Variants in IMMP2L observed in about 807,000 individuals in gnomAD.
IMMP2L encodes mitochondrial inner membrane protease subunit 2.
A neutral mutation model predicts 19.3 loss-of-function variants in IMMP2L; 18 were observed. The ratio of observed to expected loss-of-function variants is 0.93; its 90% CI spans 0.64 to 1.38. IMMP2L has a LOEUF of 1.38. Ranked by LOEUF, IMMP2L falls within the 40% of genes most tolerant of loss-of-function variation. The pLI, the probability that IMMP2L is intolerant of heterozygous loss-of-function variation, is 0.00. For missense variants in IMMP2L, 233 were observed against 218.2 expected, an observed-to-expected ratio of 1.07 and a Z score of -0.43; for synonymous variants, 76 against 73.0, an observed-to-expected ratio of 1.04 and a Z score of -0.21.
intron 5 of IMMP2L, among the ~76,000 whole-genome samples, chr7:110,694,055 T>C (rs565671059): frequency 1.5e-4 from 23 of 152,264 alleles, no homozygotes; most frequent in Non-Finnish European, 3.4e-4. Context: ...GATACTACCA[T>C]TTCTGATGAC....
intron 4 of IMMP2L, among the ~76,000 whole-genome samples, chr7:110,893,375 G>T (rs889966399): frequency 6.6e-6 from 1 of 151,952 alleles, no homozygotes; most frequent in Non-Finnish European, 1.5e-5. Flanking sequence ...ACTGTAAATG[G>T]GAACACACAA....
intron 3 of IMMP2L, among the ~76,000 whole-genome samples, chr7:111,079,141 G>A (rs1223206316): frequency 6.1e-5 from 9 of 147,500 alleles, no homozygotes; most frequent in South Asian, 2.1e-4. Context: ...TTTTTGAGAC[G>A]GAGTCTCGCT....
At chr7:111,197,156 T>C (rs1809591097) in intron 3 of IMMP2L, among the ~76,000 whole-genome samples, 2 of 152,018 alleles carry the variant, frequency 1.3e-5, no homozygotes, top group Non-Finnish European at 2.9e-5. Context: ...AGCCAACAAA[T>C]TCCTTTAAAA....
At chr7:111,094,769 T>C (rs1478028227) in intron 3 of IMMP2L, among the ~76,000 whole-genome samples, 3 of 152,114 alleles carry the variant, frequency 2.0e-5, no homozygotes, top group Non-Finnish European at 4.4e-5. Flanking sequence ...ATGATAACAA[T>C]TATTTCTTTA....
At chr7:110,784,819 G>C (rs538662107) in intron 5 of IMMP2L, among the ~76,000 whole-genome samples, 1 of 151,820 alleles carries the variant, frequency 6.6e-6, no homozygotes, top group Admixed American at 6.6e-5. Context: ...TCTACTTAGA[G>C]CTCCCCTGTG....
At chr7:110,880,952 C>T (rs1360025469) in intron 5 of IMMP2L, among the ~76,000 whole-genome samples, 2 of 152,028 alleles carry the variant, frequency 1.3e-5, no homozygotes, top group Admixed American at 1.3e-4. Flanking sequence ...AGACATAAGA[C>T]AAAATTTGAT....
intron 3 of IMMP2L, among the ~76,000 whole-genome samples, chr7:111,195,390 T>C (rs1284243406): frequency 6.6e-6 from 1 of 152,006 alleles, no homozygotes; most frequent in Non-Finnish European, 1.5e-5. Context: ...TATCAGCTGC[T>C]TCTAAAGACT....
intron 5 of IMMP2L, among the ~76,000 whole-genome samples, chr7:110,830,550 T>A (rs1803879715): frequency 6.6e-6 from 1 of 152,096 alleles, no homozygotes; most frequent in African/African-American, 2.4e-5. Context: ...ACACAGTTTA[T>A]AATAAAGAAG....
chr7:110,986,449 A>G (rs1436241120), intron 3 of IMMP2L, among the ~76,000 whole-genome samples: 2 of 152,150 alleles, frequency 1.3e-5, no homozygotes, highest in Admixed American at 1.3e-4. Context: ...AGAGGCCATT[A>G]AAAATGGAAA....
chr7:111,389,707 T>G (rs1012798), intron 3 of IMMP2L, among the ~76,000 whole-genome samples: 6,593 of 152,144 alleles, frequency 0.043, 491 homozygotes, highest in African/African-American at 0.15. Flanking sequence ...TCTACAAGCT[T>G]GAAATCATTG....
chr7:111,120,138 G>T (rs770979443), intron 3 of IMMP2L, among the ~76,000 whole-genome samples: 1 of 152,146 alleles, frequency 6.6e-6, no homozygotes, highest in Non-Finnish European at 1.5e-5. Context: ...TGTTGGAAAT[G>T]ATTATATTTC....
At chr7:111,282,834 C>T (rs1370868540) in intron 3 of IMMP2L, among the ~76,000 whole-genome samples, 2 of 152,100 alleles carry the variant, frequency 1.3e-5, no homozygotes, top group African/African-American at 4.8e-5. Context: ...TTCACCCCCT[C>T]GGCCTCCCTA....
chr7:111,235,085 G>A (rs1448727984), intron 3 of IMMP2L, among the ~76,000 whole-genome samples: 1 of 151,936 alleles, frequency 6.6e-6, no homozygotes, highest in Non-Finnish European at 1.5e-5. Context: ...TTCAGTACAG[G>A]TCTGCCAGTG....
Position 111,118,119 on chromosome 7 carries a change from C to T in IMMP2L, c.240-154554G>A, listed in dbSNP as rs1358950025. On this transcript the variant is annotated intron_variant, in intron 3 of 5. Transcript: ENST00000405709. ...TTGTGCATCCACAGAGCATTGCACACATTTTTATTGTAAATCAAATCTACT... is the reference window on the plus strand; with the variant it reads ...TTGTGCATCCACAGAGCATTGCACATATTTTTATTGTAAATCAAATCTACT... Among the ~76,000 whole-genome samples the T allele has an allele frequency of 2.0e-5, 3 of 152,092 alleles. No individual in the cohort carries two copies. In the South Asian group the frequency reaches 6.2e-4, roughly 31 times the overall value.
intron 4 of IMMP2L, among the ~76,000 whole-genome samples, chr7:110,896,738 C>T: frequency 6.6e-6 from 1 of 151,714 alleles, no homozygotes; most frequent in Admixed American, 6.6e-5. Context: ...GCATCATCTT[C>T]ATTTAGTTTG....
intron 4 of IMMP2L, among the ~76,000 whole-genome samples, chr7:110,944,048 A>G (rs1816993734): frequency 6.6e-6 from 1 of 150,828 alleles, no homozygotes; most frequent in African/African-American, 2.5e-5. Flanking sequence ...ACAGAGTGAT[A>G]CTCAGGATTG....
intron 5 of IMMP2L, among the ~76,000 whole-genome samples, chr7:110,793,830 C>T (rs541302174): frequency 5.0e-4 from 76 of 152,026 alleles, no homozygotes; most frequent in African/African-American, 1.7e-3. Context: ...CAAAACATCA[C>T]GTTTTATACC....
intron 3 of IMMP2L, among the ~76,000 whole-genome samples, chr7:111,024,013 T>C (rs751358733): frequency 6.6e-6 from 1 of 152,196 alleles, no homozygotes; most frequent in Non-Finnish European, 1.5e-5. Flanking sequence ...AATTTGTAGA[T>C]GACCATATTA....
At chr7:110,898,146 A>G (rs1445138670) in intron 4 of IMMP2L, among the ~76,000 whole-genome samples, 13 of 151,522 alleles carry the variant, frequency 8.6e-5, no homozygotes, top group Admixed American at 7.9e-4. Context: ...GACATAAAAT[A>G]TTTTATATAT....
Sources: gnomAD v4.1 joint callset for allele counts (sites outside exome capture counted in the v4.1 genomes callset) on GRCh38, gnomAD v4.1.1 for gene constraint, MANE v1.5 for transcripts, NCBI Gene and HGNC (gene_info 2026-07-23, HGNC 2026-07-21) for gene names.